The following ASB3 variants were observed in gnomAD, a reference collection of about 807,000 sequenced individuals.
ASB3 encodes ankyrin repeat and SOCS box protein 3.
In ASB3, 41 loss-of-function variants were observed where a neutral mutation model predicts 54.5. The observed-to-expected ratio is 0.75, with a 90% CI of 0.59 to 0.98. The LOEUF (loss-of-function observed/expected upper bound fraction) is 0.98, where lower values mean the gene tolerates loss of function less well. Among genes scored for constraint, ASB3 ranks in the 50% least tolerant of loss-of-function variants. The pLI is 0.00. For synonymous variants in ASB3, 266 were observed against 221.2 expected, an observed-to-expected ratio of 1.20 and a Z score of -1.80; for missense variants, 733 against 620.0, an observed-to-expected ratio of 1.18 and a Z score of -1.94.
intron 9 of ASB3, among the ~76,000 whole-genome samples, chr2:53,693,443 T>C (rs1192647085): frequency 1.3e-5 from 2 of 152,136 alleles, no homozygotes; most frequent in African/African-American, 2.4e-5. Context: ...TCAGTAAGGA[T>C]AGGTATAAAG....
At chr2:53,771,951 TA>T in intron 1 of ASB3, 1 of 1,461,032 alleles carries the variant, frequency 6.8e-7, no homozygotes, top group Non-Finnish European at 9.3e-7. Context: ...CGGTATGGTA[TA>T]AATATTCTTT....
At chr2:53,781,081 A>G (rs1295256536) in intron 1 of ASB3, among the ~76,000 whole-genome samples, 1 of 152,180 alleles carries the variant, frequency 6.6e-6, no homozygotes, top group Non-Finnish European at 1.5e-5. Flanking sequence ...CTGAACAGGA[A>G]CAAAATGAAA....
At chr2:53,700,132 C>T (rs1456138881) in intron 8 of ASB3, 139 bp downstream of exon 8, 5 of 1,343,586 alleles carry the variant, frequency 3.7e-6, no homozygotes, top group Non-Finnish European at 4.0e-6. Flanking sequence ...TTAGCAGCCA[C>T]CAACTCCTTC....
intron 9 of ASB3, among the ~76,000 whole-genome samples, chr2:53,692,524 C>T (rs924662914): frequency 1.6e-4 from 24 of 152,176 alleles, no homozygotes; most frequent in African/African-American, 5.1e-4. Context: ...TATTACCCTA[C>T]ACAAACTCTA....
intron 7 of ASB3, among the ~76,000 whole-genome samples, chr2:53,713,142 C>T (rs1000411820): frequency 2.6e-5 from 4 of 152,186 alleles, no homozygotes; most frequent in Admixed American, 2.6e-4. Flanking sequence ...GAGTTCGAGA[C>T]CAGGCTGGTG....
intron 8 of ASB3, among the ~76,000 whole-genome samples, chr2:53,695,328 T>C (rs571858463): frequency 1.3e-5 from 2 of 152,288 alleles, no homozygotes; most frequent in South Asian, 4.1e-4. Context: ...GCAGCACAGA[T>C]GTCTTGGGAA....
intron 7 of ASB3, among the ~76,000 whole-genome samples, chr2:53,711,614 A>G (rs1260516656): frequency 6.6e-6 from 1 of 152,118 alleles, no homozygotes; most frequent in African/African-American, 2.4e-5. Flanking sequence ...ATCTCTTTTA[A>G]AATACAAAAA....
chr2:53,767,008 T>C (rs558229915), intron 1 of ASB3, among the ~76,000 whole-genome samples: 10 of 152,318 alleles, frequency 6.6e-5, no homozygotes, highest in African/African-American at 1.9e-4. Context: ...GCAAGAGCTC[T>C]AATGAGCAGA....
chr2:53,670,590 A>C lies in ASB3; in HGVS notation c.1470T>G (p.Leu490=), dbSNP rs1667758143. 1.9e-6 allele frequency: 3 copies of C among 1,613,910 alleles called. No homozygotes were observed. Among genetic ancestry groups the C allele is most frequent in the Non-Finnish European group, 2.5e-6 (3 of 1,179,996 alleles). Residue 490 remains leucine, a synonymous_variant, in exon 10 of 10, where the codon CTT becomes CTG. Coordinates refer to ENST00000263634, the MANE Select transcript of ASB3 (RefSeq NM_016115.5). ...GCAAATAATTATGTAGGCTTCTGGG[A>C]AGTGGCAGCTGACTAATATAACTGT... is the stretch of plus-strand genomic sequence containing the variant. ...RSDSYISQLP[L]PRSLHNYLLY...
intron 2 of ASB3, among the ~76,000 whole-genome samples, chr2:53,759,830 C>T (rs1411009565): frequency 6.6e-6 from 1 of 152,190 alleles, no homozygotes; most frequent in African/African-American, 2.4e-5. Flanking sequence ...AAGCCACTAA[C>T]CAGATGATAC....
At chr2:53,773,364 C>T (rs998907039) in intron 1 of ASB3, among the ~76,000 whole-genome samples, 26 of 150,554 alleles carry the variant, frequency 1.7e-4, no homozygotes, top group Non-Finnish European at 3.7e-4. Flanking sequence ...TTTTAAAGTG[C>T]TTATTTCCTT....
At chr2:53,734,004 G>A (rs543716521) in intron 3 of ASB3, among the ~76,000 whole-genome samples, 5 of 152,356 alleles carry the variant, frequency 3.3e-5, no homozygotes, top group East Asian at 1.9e-4. Context: ...ATGTCCTTAA[G>A]GCACAGATCG....
intron 3 of ASB3, among the ~76,000 whole-genome samples, chr2:53,730,935 A>C (rs75556165): frequency 0.057 from 8,671 of 152,256 alleles, 472 homozygotes; most frequent in East Asian, 0.28. Context: ...ATTAGAAAAC[A>C]CTAATACACA....
intron 6 of ASB3, among the ~76,000 whole-genome samples, chr2:53,715,403 T>C (rs1216068566): frequency 1.3e-5 from 2 of 152,186 alleles, no homozygotes; most frequent in African/African-American, 4.8e-5. Context: ...CTTTTCCTCA[T>C]GTAATGTATG....
At chr2:53,724,082 G>T (rs181512089) in intron 5 of ASB3, among the ~76,000 whole-genome samples, 1 of 152,160 alleles carries the variant, frequency 6.6e-6, no homozygotes, top group African/African-American at 2.4e-5. Context: ...AACAAAAATT[G>T]GTAAGTGGGA....
At chr2:53,732,369 G>C (rs937797505) in intron 3 of ASB3, among the ~76,000 whole-genome samples, 1 of 152,106 alleles carries the variant, frequency 6.6e-6, no homozygotes, top group Admixed American at 6.5e-5. Context: ...TAATAATTTT[G>C]GGTGGAGGTC....
At chr2:53,733,310 A>G (rs1055399673) in intron 3 of ASB3, among the ~76,000 whole-genome samples, 1 of 152,210 alleles carries the variant, frequency 6.6e-6, no homozygotes, top group African/African-American at 2.4e-5. Context: ...CTACACAATG[A>G]CATTTTATAT....
At chr2:53,726,984 T>C (rs2103895567) in intron 5 of ASB3, among the ~76,000 whole-genome samples, 1 of 152,260 alleles carries the variant, frequency 6.6e-6, no homozygotes, top group East Asian at 1.9e-4. Context: ...TAAACACTAA[T>C]AATTGAAACT....
chr2:53,685,797 G>C (rs933917420), intron 9 of ASB3, among the ~76,000 whole-genome samples: 4 of 152,308 alleles, frequency 2.6e-5, no homozygotes, highest in South Asian at 2.1e-4. Flanking sequence ...CTCTAGAGCA[G>C]ATCACACATT....
Sources: gnomAD v4.1 joint callset for allele counts (sites outside exome capture counted in the v4.1 genomes callset) on GRCh38, gnomAD v4.1.1 for gene constraint, MANE v1.5 for transcripts, NCBI Gene and HGNC (gene_info 2026-07-23, HGNC 2026-07-21) for gene names.